UBE3C: variants seen among roughly 807,000 people sequenced by gnomAD.
UBE3C encodes ubiquitin-protein ligase E3C.
A neutral mutation model predicts 129.4 loss-of-function variants in UBE3C; 42 were observed. That is an observed-to-expected ratio of 0.32 (90% CI 0.25 to 0.42). The LOEUF (loss-of-function observed/expected upper bound fraction) is 0.42. UBE3C is among the 10% of genes least tolerant of loss of function. UBE3C has a pLI of 1.00. For missense variants in UBE3C, 1,049 were observed against 1,319.1 expected (o/e 0.80, Z 3.17); for synonymous variants, 510 against 492.4 (o/e 1.04, Z -0.47).
chr7:157,191,257 A>G (rs547009480), intron 10 of UBE3C, among the ~76,000 whole-genome samples: 18 of 152,030 alleles, frequency 1.2e-4, no homozygotes, highest in Non-Finnish European at 2.2e-4. Flanking sequence ...GCGCGTGTGT[A>G]TGTGTGTGTG....
At chr7:157,221,724 A>G (rs1586699787) in intron 15 of UBE3C, 2 of 152,186 alleles carry the variant, frequency 1.3e-5, no homozygotes, top group African/African-American at 4.8e-5. Flanking sequence ...CCTGGGTGAC[A>G]GTATAAGACT....
intron 1 of UBE3C, 34 bp downstream of exon 1, chr7:157,139,372 G>C (rs561995976): frequency 1.5e-5 from 23 of 1,537,678 alleles, no homozygotes; most frequent in Non-Finnish European, 1.7e-5. Flanking sequence ...CCCTCGGCTC[G>C]GGGCCTGCGC....
At chr7:157,263,257 C>G (rs940781365) in intron 22 of UBE3C, 24 of 119,464 alleles carry the variant, frequency 2.0e-4, no homozygotes, top group African/African-American at 8.4e-4. Context: ...CCTAACGCCA[C>G]CTTCCCAGGC....
intron 10 of UBE3C, among the ~76,000 whole-genome samples, chr7:157,197,314 A>G (rs62493394): frequency 0.038 from 5,862 of 152,302 alleles, 149 homozygotes; most frequent in Non-Finnish European, 0.059. Flanking sequence ...TGCAAACAAA[A>G]CATTAACACT....
intron 22 of UBE3C, among the ~76,000 whole-genome samples, chr7:157,264,076 C>A (rs1046404023): frequency 6.8e-6 from 1 of 146,988 alleles, no homozygotes; most frequent in African/African-American, 2.5e-5. Flanking sequence ...CGGCCTGTTA[C>A]ACACACACAC....
intron 22 of UBE3C, among the ~76,000 whole-genome samples, chr7:157,265,738 C>T (rs1212534002): frequency 1.3e-5 from 2 of 152,218 alleles, no homozygotes; most frequent in Non-Finnish European, 2.9e-5. Flanking sequence ...AACATTTTCT[C>T]ATGCGTGCAT....
chr7:157,199,970 CTG>C, intron 10 of UBE3C, among the ~76,000 whole-genome samples: 1 of 152,186 alleles, frequency 6.6e-6, no homozygotes, highest in African/African-American at 2.4e-5. Context: ...GTTTGAGATT[CTG>C]CTCTTACTGG....
intron 19 of UBE3C, among the ~76,000 whole-genome samples, chr7:157,252,583 A>G (rs760639395): frequency 6.6e-6 from 1 of 152,256 alleles, no homozygotes; most frequent in Non-Finnish European, 1.5e-5. Context: ...ATAAAATGAG[A>G]ACCAGCAAAC....
chr7:157,204,495 A>G (rs1007045079), intron 11 of UBE3C, among the ~76,000 whole-genome samples: 2 of 152,052 alleles, frequency 1.3e-5, no homozygotes, highest in Non-Finnish European at 2.9e-5. Flanking sequence ...TTATCAGGTA[A>G]TCGAGGTACA....
intron 13 of UBE3C, among the ~76,000 whole-genome samples, chr7:157,212,651 CT>C (rs1284442234): frequency 3.9e-5 from 6 of 152,186 alleles, no homozygotes; most frequent in Non-Finnish European, 8.8e-5. Context: ...TCTACTTGAT[CT>C]TTTTAATATT....
chr7:157,169,211 C>A, intron 3 of UBE3C, 89 bp downstream of exon 3: 1 of 924,838 alleles, frequency 1.1e-6, no homozygotes, highest in Non-Finnish European at 1.7e-6. Flanking sequence ...TAATTGAAGT[C>A]AATGCTGACA....
intron 2 of UBE3C, among the ~76,000 whole-genome samples, chr7:157,168,251 T>G (rs1271453247): frequency 6.7e-6 from 1 of 148,878 alleles, no homozygotes; most frequent in East Asian, 2.0e-4. Flanking sequence ...CTCGGGAGGC[T>G]GAGGCAGGAG....
At chr7:157,259,611 C>T (rs117531237) in intron 22 of UBE3C, among the ~76,000 whole-genome samples, 3 of 152,238 alleles carry the variant, frequency 2.0e-5, no homozygotes, top group East Asian at 1.9e-4. Context: ...GCTAAGTGAA[C>T]GAAGCAAGAC....
intron 18 of UBE3C, among the ~76,000 whole-genome samples, chr7:157,234,496 C>T (rs1229358736): frequency 2.0e-5 from 3 of 152,138 alleles, no homozygotes; most frequent in Non-Finnish European, 2.9e-5. Flanking sequence ...TTATTAATAG[C>T]AGATGGGAGT....
At chr7:157,212,102 T>A (rs1354905983) in intron 13 of UBE3C, among the ~76,000 whole-genome samples, 1 of 152,222 alleles carries the variant, frequency 6.6e-6, no homozygotes, top group African/African-American at 2.4e-5. Flanking sequence ...CATTGCACAT[T>A]TATTGCACTT....
intron 1 of UBE3C, among the ~76,000 whole-genome samples, chr7:157,160,976 A>G (rs1808053015): frequency 1.3e-5 from 2 of 152,202 alleles, no homozygotes; most frequent in South Asian, 4.1e-4. Flanking sequence ...TCATGAGAGT[A>G]TTGGAAAAAC....
chr7:157,214,575 G>A (rs1235969867), intron 13 of UBE3C, among the ~76,000 whole-genome samples: 1 of 152,104 alleles, frequency 6.6e-6, no homozygotes, highest in Non-Finnish European at 1.5e-5. Flanking sequence ...ATTTCAGCAT[G>A]GTAACTATTA....
chr7:157,205,522 G>A (rs2117001021), intron 11 of UBE3C, among the ~76,000 whole-genome samples: 1 of 152,254 alleles, frequency 6.6e-6, no homozygotes, highest in Non-Finnish European at 1.5e-5. Context: ...TCATAGGCAG[G>A]GCTGTTGAAA....
chr7:157,186,359 C>T (rs1808805323), intron 9 of UBE3C, among the ~76,000 whole-genome samples: 1 of 150,790 alleles, frequency 6.6e-6, no homozygotes, highest in African/African-American at 2.4e-5. Context: ...GCGGAGGTTG[C>T]AGTGAGCCGA....
Sources: allele counts gnomAD v4.1 joint callset (sites outside exome capture counted in the v4.1 genomes callset), GRCh38; gene constraint gnomAD v4.1.1; transcripts MANE v1.5; gene names NCBI Gene and HGNC (gene_info 2026-07-23, HGNC 2026-07-21).